The following NFATC2 variants were observed in gnomAD, a reference collection of about 807,000 sequenced individuals.
The protein encoded by NFATC2 is nuclear factor of activated T cells 2, also known as nuclear factor of activated T-cells, cytoplasmic 2.
NFATC2 carries 22 observed loss-of-function variants against 87.3 expected under a neutral mutation model. The ratio of observed to expected loss-of-function variants is 0.25; its 90% CI spans 0.18 to 0.36. NFATC2 has a LOEUF of 0.36. Ranked by LOEUF, NFATC2 falls within the 10% of genes least tolerant of loss-of-function variation. The pLI, the probability that NFATC2 is intolerant of heterozygous loss-of-function variation, is 1.00. For synonymous variants in NFATC2, 565 were observed against 542.2 expected (o/e 1.04, Z -0.58); for missense variants, 1,149 against 1,259.1 (o/e 0.91, Z 1.32).
rs74625306 is a variant in NFATC2 at position 51,557,455 on chromosome 20, G to A, written c.70+5105C>T. 3.2e-3 allele frequency among the ~76,000 whole-genome samples: 489 copies of A among 152,270 alleles called. 7 individuals carry two copies. The highest frequency in any genetic ancestry group is 0.022 in the East Asian group (114 of 5,174). On this transcript the variant is annotated intron_variant, in intron 1 of 10. Transcript: ENST00000414705. ...GGCCTTGGCATGGTGCCTGACACAC[G>A]GTTGACACTCAGTGAGTGGTGGCTG...
At chr20:51,473,927 C>A in intron 5 of NFATC2, 53 bp downstream of exon 5, 2 of 1,581,766 alleles carry the variant, frequency 1.3e-6, no homozygotes, top group East Asian at 2.2e-5. Context: ...CCGGGGGAAG[C>A]CCACGTGCCC....
chr20:51,430,397 T>C (rs1306636457), intron 9 of NFATC2, among the ~76,000 whole-genome samples: 2 of 152,226 alleles, frequency 1.3e-5, no homozygotes, highest in East Asian at 3.8e-4. Flanking sequence ...ACCAAAACCT[T>C]ATCTTCACCA....
At chr20:51,495,369 T>A (rs372938183) in intron 3 of NFATC2, among the ~76,000 whole-genome samples, 4 of 152,326 alleles carry the variant, frequency 2.6e-5, no homozygotes, top group Admixed American at 6.5e-5. Context: ...ATTATAGACA[T>A]GAGCCAGCAC....
At chr20:51,506,821 G>C (rs943346258) in intron 3 of NFATC2, among the ~76,000 whole-genome samples, 1 of 152,162 alleles carries the variant, frequency 6.6e-6, no homozygotes, top group Non-Finnish European at 1.5e-5. Flanking sequence ...CAGGTGCTTA[G>C]AAACCCACCT....
chr20:51,555,477 C>T (rs898453577), intron 1 of NFATC2, among the ~76,000 whole-genome samples: 2 of 151,964 alleles, frequency 1.3e-5, no homozygotes, highest in African/African-American at 4.8e-5. Context: ...CCTGTAGTCC[C>T]AGCTACTTGG....
At chr20:51,404,568 CTCTT>C (rs759423402) in intron 9 of NFATC2, among the ~76,000 whole-genome samples, 19 of 152,210 alleles carry the variant, frequency 1.2e-4, no homozygotes, top group Non-Finnish European at 7.3e-5. Flanking sequence ...AAAGTAGCAG[CTCTT>C]TCTATTAGCA....
intron 6 of NFATC2, among the ~76,000 whole-genome samples, chr20:51,439,077 G>A (rs1410186177): frequency 6.6e-6 from 1 of 152,212 alleles, no homozygotes; most frequent in Non-Finnish European, 1.5e-5. Flanking sequence ...TGCAGATGCA[G>A]ATTTCAAGCC....
chr20:51,561,431 AAAAG>A (rs1184978605), intron 1 of NFATC2, among the ~76,000 whole-genome samples: 3,135 of 109,518 alleles, frequency 0.029, 61 homozygotes, highest in Middle Eastern at 0.053. Flanking sequence ...AGAGAGAAAG[AAAAG>A]AAAGAAAGAA....
chr20:51,477,561 A>ATTTATAAT (rs1988840461), intron 3 of NFATC2, among the ~76,000 whole-genome samples: 1 of 124,042 alleles, frequency 8.1e-6, no homozygotes, highest in African/African-American at 2.9e-5. Context: ...ATATATATAT[A>ATTTATAAT]TATATATATA....
In NFATC2 at chr20:51,432,180, G is replaced by T; in HGVS notation, c.2609C>A (p.Thr870Lys). 1 of 1,607,658 alleles carries T rather than the reference G, an allele frequency of 6.2e-7. No homozygotes were observed. Among genetic ancestry groups the T allele is most frequent in the South Asian group, 1.1e-5 (1 of 90,656 alleles). Residue 870 changes from threonine (T) to lysine (K), a missense_variant, in exon 9 of 11, where the codon ACG becomes AAG. Physicochemically the swap from Thr to Lys is moderately conservative, Grantham distance 78. Around this residue, in one of 3 missense-constraint regions of NFATC2, gnomAD observed 581 missense variants for 649.7 expected, o/e 0.89. Transcript: ENST00000371564. The surrounding 1 kb of genome is among the most constrained non-coding windows in gnomAD (Gnocchi z 4.6). ...TCCGTTTTTGGCGGCTCTTTGGCTCGTGGCATTCTGCTGCTGAATGACTGT... is the reference window on the plus strand; with the variant it reads ...TCCGTTTTTGGCGGCTCTTTGGCTCTTGGCATTCTGCTGCTGAATGACTGT... ...YPTVIQQQNATSQRAAKNGPP... is the reference protein window; with the variant it reads ...YPTVIQQQNAKSQRAAKNGPP...
chr20:51,491,994 C>CA (rs1380374505), intron 3 of NFATC2, among the ~76,000 whole-genome samples: 4 of 151,926 alleles, frequency 2.6e-5, no homozygotes, highest in Admixed American at 6.6e-5. Context: ...CACATACCCC[C>CA]AGCCCCGCGC....
At chr20:51,546,661 A>G (rs1490267701), upstream of NFATC2, among the ~76,000 whole-genome samples, 1 of 152,108 alleles carries the variant, frequency 6.6e-6, no homozygotes, top group African/African-American at 2.4e-5. Context: ...GTACTATTTG[A>G]CCCTGGCCCA....
At chr20:51,416,702 C>T (rs1980087551) in intron 9 of NFATC2, among the ~76,000 whole-genome samples, 1 of 152,168 alleles carries the variant, frequency 6.6e-6, no homozygotes, top group African/African-American at 2.4e-5. Flanking sequence ...TGGTTATACT[C>T]ACTTCTCATA....
At chr20:51,401,586 A>G (rs965728476) in intron 9 of NFATC2, among the ~76,000 whole-genome samples, 4 of 152,166 alleles carry the variant, frequency 2.6e-5, no homozygotes, top group Non-Finnish European at 5.9e-5. Context: ...AAAAGGCAGT[A>G]TTTAGACTTA....
At chr20:51,425,595 G>A (rs1262825456) in intron 9 of NFATC2, among the ~76,000 whole-genome samples, 1 of 152,248 alleles carries the variant, frequency 6.6e-6, no homozygotes, top group Admixed American at 6.5e-5. Flanking sequence ...GCTCCGCGTG[G>A]GCTTTGCACG....
chr20:51,475,527 T>G lies in NFATC2; in HGVS notation c.1466A>C (p.Tyr489Ser). The G allele has an allele frequency of 6.2e-7, 1 of 1,614,120 alleles. No individual in the cohort carries two copies. The highest frequency in any genetic ancestry group is 8.5e-7 in the Non-Finnish European group (1 of 1,180,016). Residue 489 changes from tyrosine to serine, a missense_variant, in exon 4 of 11, where the codon TAT (tyrosine) becomes TCT (serine). Coordinates refer to ENST00000371564, the MANE Select transcript of NFATC2 (RefSeq NM_012340.5). ...ITGKTVTTTS[Y>S]EKIVGNTKVL... ...TTTGGTGTTGCCCACTATCTTCTCATAGCTGGTGGTGGTGACAGTTTTCCC... is the reference window on the plus strand; with the variant it reads ...TTTGGTGTTGCCCACTATCTTCTCAGAGCTGGTGGTGGTGACAGTTTTCCC...
intron 5 of NFATC2, among the ~76,000 whole-genome samples, chr20:51,466,809 C>T (rs995227552): frequency 1.2e-4 from 18 of 152,278 alleles, no homozygotes; most frequent in African/African-American, 3.6e-4. Context: ...CAGTGGCTCA[C>T]GTCTGTAATC....
At chr20:51,520,618 G>T (rs1488957801) in intron 2 of NFATC2, among the ~76,000 whole-genome samples, 3 of 151,016 alleles carry the variant, frequency 2.0e-5, no homozygotes, top group Non-Finnish European at 4.4e-5. Flanking sequence ...AGAAGAAAAG[G>T]ATGTTTCCTT....
chr20:51,549,096 G>T (rs2076911997), intron 1 of NFATC2, among the ~76,000 whole-genome samples: 1 of 152,084 alleles, frequency 6.6e-6, no homozygotes. Context: ...AGTCTGAGAC[G>T]GCAATGTGTG....
Sources: allele counts gnomAD v4.1 joint callset (sites outside exome capture counted in the v4.1 genomes callset), GRCh38; gene constraint gnomAD v4.1.1; regional missense constraint gnomAD v4.1.1; non-coding constraint Gnocchi (gnomAD v3.1); transcripts MANE v1.5; gene names NCBI Gene and HGNC (gene_info 2026-07-23, HGNC 2026-07-21).